Variants in EEFSEC observed in about 807,000 individuals in gnomAD.
The protein encoded by EEFSEC is selenocysteine-specific elongation factor.
A neutral mutation model predicts 42.1 loss-of-function variants in EEFSEC; 43 were observed. The ratio of observed to expected loss-of-function variants is 1.02; its 90% confidence interval spans 0.80 to 1.32. The LOEUF (loss-of-function observed/expected upper bound fraction) is 1.32. Among genes scored for constraint, EEFSEC ranks in the 40% most tolerant of loss-of-function variants. The pLI, the probability that EEFSEC is intolerant of heterozygous loss-of-function variation, is 0.00. For missense variants in EEFSEC, 745 were observed against 803.6 expected (o/e 0.93, Z 0.88); for synonymous variants, 354 against 339.1 (o/e 1.04, Z -0.48).
At chr3:128,311,894 G>A (rs1489942939) in intron 4 of EEFSEC, among the ~76,000 whole-genome samples, 1 of 152,136 alleles carries the variant, frequency 6.6e-6, no homozygotes, top group African/African-American at 2.4e-5. Context: ...ATGGAGTTGA[G>A]CTCTGCTCCT....
At chr3:128,329,358 G>A (rs2067100090) in intron 4 of EEFSEC, among the ~76,000 whole-genome samples, 2 of 152,242 alleles carry the variant, frequency 1.3e-5, no homozygotes, top group East Asian at 1.9e-4. Flanking sequence ...TGTGACGGAC[G>A]TTCCTGAGCA....
intron 1 of EEFSEC, among the ~76,000 whole-genome samples, chr3:128,236,687 A>G (rs754656758): frequency 3.3e-5 from 5 of 152,096 alleles, no homozygotes; most frequent in Non-Finnish European, 7.3e-5. Context: ...CTCTTCCTCA[A>G]ACGCATGTGG....
chr3:128,322,280 T>A (rs1175672775), intron 4 of EEFSEC, among the ~76,000 whole-genome samples: 1 of 152,272 alleles, frequency 6.6e-6, no homozygotes, highest in East Asian at 1.9e-4. Flanking sequence ...GAAGCCAGCA[T>A]GCCTGCGCCT....
Position 128,341,415 on chromosome 3 carries a change from G to T in EEFSEC, c.969G>T (p.Pro323=). 2.5e-6 allele frequency: 4 copies of T among 1,614,132 alleles called. No individual in the cohort carries two copies. Among genetic ancestry groups the T allele is most frequent in the Non-Finnish European group, 2.5e-6 (3 of 1,180,032 alleles). ...CCCTCATCTCTGTGGAAAAGATACC[G>T]TATTTCCGGGGGCCCCTGCAAACCA... is the stretch of plus-strand genomic sequence containing the variant. ...HAALISVEKI[P]YFRGPLQTKA... is the part of the protein sequence containing the mutation. The change falls in exon 5 of 7, where the codon CCG becomes CCT. Residue 323 remains proline (P), a synonymous_variant. Coordinates refer to ENST00000254730, the MANE Select transcript of EEFSEC (RefSeq NM_021937.5).
intron 6 of EEFSEC, among the ~76,000 whole-genome samples, chr3:128,395,842 T>C (rs922041798): frequency 1.3e-5 from 2 of 152,202 alleles, no homozygotes; most frequent in Admixed American, 1.3e-4. Flanking sequence ...TGGCCTCTCT[T>C]TACCAAGCGC....
intron 4 of EEFSEC, among the ~76,000 whole-genome samples, chr3:128,315,071 G>C (rs2108026591): frequency 6.6e-6 from 1 of 152,328 alleles, no homozygotes; most frequent in Admixed American, 6.5e-5. Flanking sequence ...AGAGGCAATA[G>C]AGTGTGGTGT....
At chr3:128,400,193 C>T (rs965173780) in intron 6 of EEFSEC, among the ~76,000 whole-genome samples, 6 of 152,252 alleles carry the variant, frequency 3.9e-5, no homozygotes, top group African/African-American at 1.2e-4. Context: ...ACCCACACAC[C>T]TCCGTGACCA....
intron 1 of EEFSEC, among the ~76,000 whole-genome samples, chr3:128,206,836 T>C (rs1221453042): frequency 6.6e-6 from 1 of 152,182 alleles, no homozygotes; most frequent in Non-Finnish European, 1.5e-5. Flanking sequence ...TCTGCTGCCC[T>C]GCCGACTTCT....
intron 4 of EEFSEC, among the ~76,000 whole-genome samples, chr3:128,310,644 G>A (rs578100877): frequency 3.3e-5 from 5 of 152,354 alleles, no homozygotes; most frequent in African/African-American, 9.6e-5. Context: ...ACATGCAGGT[G>A]GAGAAAGTGA....
chr3:128,158,506 T>G (rs1276308213), intron 1 of EEFSEC, among the ~76,000 whole-genome samples: 1 of 152,182 alleles, frequency 6.6e-6, no homozygotes, highest in Non-Finnish European at 1.5e-5. Context: ...CCAACCTTCA[T>G]CAACCACCAC....
At chr3:128,363,250 G>A (rs1054308764) in intron 6 of EEFSEC, among the ~76,000 whole-genome samples, 7 of 152,256 alleles carry the variant, frequency 4.6e-5, no homozygotes, top group African/African-American at 1.4e-4. Context: ...GCATGCCAGG[G>A]CTAGGATAGT....
At chr3:128,245,986 G>A (rs2066122888) in intron 1 of EEFSEC, among the ~76,000 whole-genome samples, 1 of 152,056 alleles carries the variant, frequency 6.6e-6, no homozygotes, top group African/African-American at 2.4e-5. Context: ...AGCTCAAAAT[G>A]TAATTATTCT....
At chr3:128,188,150 G>A (rs1442468998) in intron 1 of EEFSEC, among the ~76,000 whole-genome samples, 2 of 152,174 alleles carry the variant, frequency 1.3e-5, no homozygotes, top group Admixed American at 6.6e-5. Context: ...CAGTGGTTAG[G>A]GTGATGAGGG....
intron 1 of EEFSEC, among the ~76,000 whole-genome samples, chr3:128,178,798 A>G (rs938656370): frequency 6.6e-6 from 1 of 151,912 alleles, no homozygotes; most frequent in African/African-American, 2.4e-5. Context: ...TCTGTGCCTT[A>G]CTCCTTTAAT....
chr3:128,341,577 G>C lies in EEFSEC; in HGVS notation c.1131G>C (p.Glu377Asp), dbSNP rs745731588. 8.0e-5 allele frequency: 129 copies of C among 1,613,942 alleles called. 1 individual carries two copies. The South Asian group carries it at 1.4e-3, about 17-fold the overall frequency. ...TCTCTCAAGAATACCTTTTCCAGGAGCAGTACCTGTCCAAGGATTTGACAC... is the reference window on the plus strand; with the variant it reads ...TCTCTCAAGAATACCTTTTCCAGGACCAGTACCTGTCCAAGGATTTGACAC... The part of the protein sequence containing the change: ...FNFSQEYLFQ[E>D]QYLSKDLTPA... Residue 377 changes from glutamate to aspartate, a missense_variant, in exon 5 of 7, where the codon GAG becomes GAC. Transcript: ENST00000254730.
chr3:128,357,415 A>G (rs962864750), intron 5 of EEFSEC, among the ~76,000 whole-genome samples: 3 of 152,374 alleles, frequency 2.0e-5, no homozygotes, highest in African/African-American at 7.2e-5. Flanking sequence ...CAACATGGCC[A>G]GCAGGAGGTA....
chr3:128,371,799 G>A (rs1335874616), intron 6 of EEFSEC, among the ~76,000 whole-genome samples: 1 of 152,226 alleles, frequency 6.6e-6, no homozygotes, highest in Non-Finnish European at 1.5e-5. Flanking sequence ...CATGGTAGGG[G>A]CCCTACAGGG....
At chr3:128,423,281 G>T in the EEFSEC span, among the ~76,000 whole-genome samples, 2 of 152,170 alleles carry the variant, frequency 1.3e-5, no homozygotes, top group South Asian at 4.1e-4. Context: ...ATCTACCCAT[G>T]CAATGGAATA....
chr3:128,396,941 T>C (rs1371501202), intron 6 of EEFSEC, among the ~76,000 whole-genome samples: 1 of 152,234 alleles, frequency 6.6e-6, no homozygotes, highest in Non-Finnish European at 1.5e-5. Flanking sequence ...CTTGGCCATC[T>C]GGGCTGCTTT....
Sources: gnomAD v4.1 joint callset for allele counts (sites outside exome capture counted in the v4.1 genomes callset) on GRCh38, gnomAD v4.1.1 for gene constraint, MANE v1.5 for transcripts, NCBI Gene and HGNC (gene_info 2026-07-23, HGNC 2026-07-21) for gene names.